The following CASP9 variants were observed in gnomAD, a reference collection of about 807,000 sequenced individuals.
The protein encoded by CASP9 is caspase-9.
CASP9 carries 29 observed loss-of-function variants against 43.5 expected under a neutral mutation model. The observed-to-expected ratio is 0.67, with a 90% CI of 0.50 to 0.91. The LOEUF is 0.91. Ranked by LOEUF, CASP9 falls within the 40% of genes least tolerant of loss-of-function variation. The pLI is 0.00. For synonymous variants in CASP9, 206 were observed against 211.9 expected (o/e 0.97, Z 0.24); for missense variants, 575 against 537.4 (o/e 1.07, Z -0.69).
In CASP9 at chr1:15,507,008, T is replaced by A. The variant is rs1709551114; in HGVS notation, c.521A>T (p.Glu174Val). The A allele has an allele frequency of 2.5e-6, 4 of 1,614,198 alleles. No individual in the cohort carries two copies. The East Asian group carries it at 8.9e-5, about 36-fold the overall frequency. ...GCCAGTGCGGGTGCGGAGCCCGGAC[T>A]CACGGCAGAAGTTCACATTGTTGAT... is the stretch of plus-strand genomic sequence containing the variant. ...LIINNVNFCR[E>V]SGLRTRTGSN... The change falls in exon 4 of 9, where the codon GAG becomes GTG. Residue 174 changes from glutamate to valine, a missense_variant. By Grantham distance (121) the Glu-to-Val change is moderately radical (BLOSUM62 -2). Transcript: ENST00000333868.
At chr1:15,498,368 T>C (rs1484489678) in intron 6 of CASP9, among the ~76,000 whole-genome samples, 2 of 151,998 alleles carry the variant, frequency 1.3e-5, no homozygotes, top group East Asian at 3.9e-4. Context: ...CATTTTTTTT[T>C]TTAAGAGACA....
intron 2 of CASP9, among the ~76,000 whole-genome samples, chr1:15,516,474 C>T (rs1393448212): frequency 2.7e-5 from 2 of 74,756 alleles, no homozygotes; most frequent in South Asian, 4.3e-4. Context: ...GAAGACCTTG[C>T]CTCAATTAAA....
chr1:15,506,542 G>A (rs551094996), intron 4 of CASP9, among the ~76,000 whole-genome samples: 17 of 152,034 alleles, frequency 1.1e-4, no homozygotes, highest in African/African-American at 3.4e-4. Context: ...GGCCAGTACC[G>A]AAGTGCTGAC....
chr1:15,493,776 A>G (rs1006210894), intron 8 of CASP9, 116 bp downstream of exon 8: 17 of 1,535,696 alleles, frequency 1.1e-5, no homozygotes, highest in African/African-American at 4.1e-5. Context: ...GCAGGAGTCT[A>G]CTACCTTTTA....
chr1:15,508,697 G>A (rs1164969640), intron 2 of CASP9, among the ~76,000 whole-genome samples: 1 of 151,878 alleles, frequency 6.6e-6, no homozygotes, highest in Non-Finnish European at 1.5e-5. Context: ...TTACAGGTGT[G>A]AGCCACTGCA....
chr1:15,493,407 G>T, intron 8 of CASP9: 6 of 1,225,140 alleles, frequency 4.9e-6, no homozygotes, highest in Non-Finnish European at 6.1e-6. Context: ...GCTCTGAGTC[G>T]GGTTTCTATG....
chr1:15,524,309 C>A (rs992648365), upstream of CASP9: 5 of 1,463,166 alleles, frequency 3.4e-6, no homozygotes, highest in East Asian at 2.8e-5. Flanking sequence ...CCCCGCGTCA[C>A]GGCCCCGGGT....
intron 3 of CASP9, 121 bp downstream of exon 3, chr1:15,507,752 C>T (rs1237820827): frequency 4.5e-6 from 4 of 879,340 alleles, no homozygotes; most frequent in Non-Finnish European, 7.5e-6. Flanking sequence ...ACCAGACCCC[C>T]ACTGCACTGC....
At chr1:15,518,445 G>A in intron 1 of CASP9, 50 bp from the exon 2 acceptor site, 4 of 1,560,142 alleles carry the variant, frequency 2.6e-6, no homozygotes, top group Non-Finnish European at 3.5e-6. Context: ...CTTTTATATG[G>A]CTCTCACCTT....
At chr1:15,506,131 G>T in intron 4 of CASP9, 52 bp from the exon 5 acceptor site, 1 of 1,207,780 alleles carries the variant, frequency 8.3e-7, no homozygotes, top group South Asian at 1.2e-5. Context: ...TCTAGATGCA[G>T]ACTGGACCGT....
chr1:15,517,327 C>T (rs4646012), intron 2 of CASP9, among the ~76,000 whole-genome samples: 89,133 of 151,908 alleles, frequency 0.59, 26,808 homozygotes, highest in African/African-American at 0.71. Context: ...GGCTCAAGAG[C>T]ATATAAGACT....
At position 15,504,879 on chromosome 1, in the gene CASP9, T is replaced by C. The variant is rs537694637; in HGVS notation, c.721-121A>G. On this transcript the variant is annotated intron_variant, in intron 5 of 8. Transcript: ENST00000333868. ...GTCAAAGCCAGGGGCACGAGGCTGA[T>C]TGAGACAGAGCAGGTTGGTTCTGGA... is the stretch of plus-strand genomic sequence containing the variant. The C allele has an allele frequency of 7.5e-6, 7 of 931,564 alleles. No individual in the cohort carries two copies. The South Asian group carries it at 9.8e-5, about 13-fold the overall frequency. 57.7% of individuals were successfully genotyped at this position (931,564 alleles called of 1,614,324 possible).
intron 2 of CASP9, among the ~76,000 whole-genome samples, chr1:15,510,278 T>C (rs1276325962): frequency 6.6e-6 from 1 of 152,204 alleles, no homozygotes; most frequent in East Asian, 1.9e-4. Context: ...CACCTCCAAG[T>C]TGCAGTGGAG....
At chr1:15,503,399 GCCCATCCAGGGTTAA>G (rs1343388686) in intron 6 of CASP9, among the ~76,000 whole-genome samples, 5 of 152,188 alleles carry the variant, frequency 3.3e-5, no homozygotes, top group African/African-American at 1.2e-4. Flanking sequence ...TAGGTCAGTA[GCCCATCCAGGGTTAA>G]TCAAGTGTTC....
rs1389142617 is a variant in CASP9, at chr1:15,507,138, A to G, written c.454-63T>C. The G allele has an allele frequency of 2.5e-6, 4 of 1,597,754 alleles. 1 individual carries two copies. In the South Asian group the frequency reaches 4.4e-5, roughly 18 times the overall value. On this transcript the variant is annotated intron_variant, in intron 3 of 8. Coordinates refer to ENST00000333868, the MANE Select transcript of CASP9 (RefSeq NM_001229.5). ...CCACGCTCCCTAGAGGACAGTCTGG[A>G]GAGGCGGGAAGAAAACGGGGTCTGC...
In CASP9 at chr1:15,495,605, A is replaced by G. The variant is rs192430832; in HGVS notation, c.869-153T>C. Among the ~76,000 whole-genome samples, 142 of 152,318 alleles carry G rather than the reference A, an allele frequency of 9.3e-4. 1 individual carries two copies. The highest frequency in any genetic ancestry group is 3.4e-3 in the African/African-American group (140 of 41,576). ...CTCATTAAGCCAAACGGAAAAGTCAAGCTGGGAACTGGGTCACGCAAACCT... is the reference window on the plus strand; with the variant it reads ...CTCATTAAGCCAAACGGAAAAGTCAGGCTGGGAACTGGGTCACGCAAACCT... On this transcript the variant is annotated intron_variant, in intron 6 of 8. Transcript: ENST00000333868.
upstream of CASP9, chr1:15,524,755 GCCACCGC>G: frequency 1.0e-6 from 1 of 998,258 alleles, no homozygotes; most frequent in Non-Finnish European, 1.2e-6. Flanking sequence ...CCCAGAACCT[GCCACCGC>G]GTCACCGCCC....
intron 1 of CASP9, among the ~76,000 whole-genome samples, chr1:15,519,331 C>G (rs925454417): frequency 6.6e-6 from 1 of 152,100 alleles, no homozygotes; most frequent in Non-Finnish European, 1.5e-5. Context: ...AGGCACCCAC[C>G]ACCATGCCTG....
intron 7 of CASP9, among the ~76,000 whole-genome samples, chr1:15,494,263 A>G (rs4646096): frequency 0.28 from 42,122 of 152,008 alleles, 6,701 homozygotes; most frequent in African/African-American, 0.43. Flanking sequence ...CTCATCCAAG[A>G]CATAAGAAAG....
Sources: gnomAD v4.1 joint callset for allele counts (sites outside exome capture counted in the v4.1 genomes callset) on GRCh38, gnomAD v4.1.1 for gene constraint, MANE v1.5 for transcripts, NCBI Gene and HGNC (gene_info 2026-07-23, HGNC 2026-07-21) for gene names.